The following APLF variants were observed in gnomAD, a reference collection of about 807,000 sequenced individuals.
APLF encodes the protein aprataxin and PNK-like factor.
In APLF, 61 loss-of-function variants were observed where a neutral mutation model predicts 55.6. The ratio of observed to expected loss-of-function variants is 1.10; its 90% CI spans 0.89 to 1.36. The LOEUF is 1.36. APLF is among the 40% of genes most tolerant of loss of function. The probability of loss-of-function intolerance (pLI) is 0.00; values close to 1 mark genes in which losing one functional copy is unlikely to be tolerated. For synonymous variants in APLF, 207 were observed against 214.8 expected (o/e 0.96, Z 0.32); for missense variants, 611 against 602.5 (o/e 1.01, Z -0.15).
At chr2:68,563,412 G>A in intron 8 of APLF, 1 of 953,818 alleles carries the variant, frequency 1.0e-6, no homozygotes, top group Non-Finnish European at 1.2e-6. Context: ...TAGGATGTGA[G>A]GTTGGTGGAT....
At chr2:68,475,040 A>G (rs1256359786) in intron 1 of APLF, among the ~76,000 whole-genome samples, 2 of 152,364 alleles carry the variant, frequency 1.3e-5, no homozygotes, top group South Asian at 2.1e-4. Context: ...TTCTAGACAC[A>G]CTAAGTAGAG....
chr2:68,551,600 C>CT (rs1453905998), intron 8 of APLF, among the ~76,000 whole-genome samples: 7 of 126,962 alleles, frequency 5.5e-5, no homozygotes, highest in African/African-American at 2.0e-4. Flanking sequence ...AATTCTTCTT[C>CT]TTCTTTTTTT....
intron 1 of APLF, among the ~76,000 whole-genome samples, chr2:68,471,206 A>C (rs1675607190): frequency 6.6e-6 from 1 of 152,192 alleles, no homozygotes; most frequent in Admixed American, 6.6e-5. Context: ...TTAGATATGA[A>C]AAAGGGTTAT....
At chr2:68,563,605 G>T (rs531507650) in intron 8 of APLF, among the ~76,000 whole-genome samples, 56 of 152,178 alleles carry the variant, frequency 3.7e-4, no homozygotes, top group African/African-American at 1.3e-3. Context: ...GATGTCAGCA[G>T]TTGTTTAATC....
In APLF at chr2:68,513,242, A is replaced by G. The variant is rs758040986; in HGVS notation, c.489+15A>G. ...CAAATAGTGTGGTGAGAAATTTGATATCTCATCCATTTATAACATGTTCTT... is the reference window on the plus strand; with the variant it reads ...CAAATAGTGTGGTGAGAAATTTGATGTCTCATCCATTTATAACATGTTCTT... On this transcript the variant is annotated intron_variant, in intron 4 of 9. Transcript: ENST00000303795. 5.0e-6 allele frequency: 8 copies of G among 1,593,460 alleles called. No homozygotes were observed. Among genetic ancestry groups the G allele is most frequent in the Middle Eastern group, 1.7e-4 (1 of 5,932 alleles).
intron 7 of APLF, among the ~76,000 whole-genome samples, chr2:68,540,773 T>C (rs181230084): frequency 6.7e-5 from 10 of 148,466 alleles, no homozygotes; most frequent in Non-Finnish European, 1.3e-4. Flanking sequence ...TGTGCATGCG[T>C]GTGTGTGTGT....
At position 68,545,201 on chromosome 2, in the gene APLF, A is replaced by G. The variant is rs751969633; in HGVS notation, c.1175A>G (p.His392Arg). 2.2e-5 allele frequency: 36 copies of G among 1,613,214 alleles called. No individual in the cohort carries two copies. The South Asian group carries it at 3.7e-4, about 17-fold the overall frequency. The change falls in exon 8 of 10, where the codon CAT becomes CGT. Residue 392 changes from histidine to arginine, a missense_variant. By Grantham distance (29) the His-to-Arg change is conservative. Transcript: ENST00000303795. Reference protein sequence around the residue: ...GANCYRKNPVHFQHFSHPGDS... With the variant: ...GANCYRKNPVRFQHFSHPGDS... ...CGCCCTCCTAGGAAGAATCCTGTTC[A>G]TTTTCAACATTTTAGCCATCCTGGT...
At chr2:68,498,735 C>T (rs1176207401) in intron 2 of APLF, among the ~76,000 whole-genome samples, 2 of 152,140 alleles carry the variant, frequency 1.3e-5, no homozygotes, top group Admixed American at 1.3e-4. Flanking sequence ...TTGGTTATGC[C>T]CTCAGGGCGA....
At chr2:68,545,586 C>T (rs1282833349) in intron 8 of APLF, among the ~76,000 whole-genome samples, 1 of 152,128 alleles carries the variant, frequency 6.6e-6, no homozygotes, top group Non-Finnish European at 1.5e-5. Context: ...GTTGATGCTA[C>T]CCCAATATAC....
At chr2:68,552,775 A>C (rs1287510695) in intron 8 of APLF, among the ~76,000 whole-genome samples, 1 of 152,124 alleles carries the variant, frequency 6.6e-6, no homozygotes, top group African/African-American at 2.4e-5. Context: ...AAGAGAAACA[A>C]CTCCAAAACC....
chr2:68,552,012 A>G (rs1670881793), intron 8 of APLF, among the ~76,000 whole-genome samples: 3 of 151,972 alleles, frequency 2.0e-5, no homozygotes, highest in Admixed American at 1.3e-4. Context: ...CTTGTTTGGC[A>G]TGGCTTTTCC....
At chr2:68,472,735 AAG>A (rs1165361495) in intron 1 of APLF, among the ~76,000 whole-genome samples, 1 of 152,120 alleles carries the variant, frequency 6.6e-6, no homozygotes, top group Non-Finnish European at 1.5e-5. Flanking sequence ...TTAAGGCTCT[AAG>A]ATATGGTGTG....
chr2:68,499,288 T>C (rs1254714630), intron 2 of APLF, among the ~76,000 whole-genome samples: 3 of 152,244 alleles, frequency 2.0e-5, no homozygotes, highest in Non-Finnish European at 4.4e-5. Context: ...TAGGTAGTTA[T>C]ATCTTTTAAT....
At chr2:68,574,572 G>T (rs550723015) in intron 9 of APLF, among the ~76,000 whole-genome samples, 1 of 152,174 alleles carries the variant, frequency 6.6e-6, no homozygotes. Context: ...TACTAGCCAC[G>T]TTGAATTCTG....
chr2:68,578,968 A>G lies in APLF; in HGVS notation c.*946A>G, dbSNP rs1671693488. On this transcript the variant is annotated 3_prime_UTR_variant, in exon 10 of 10. Transcript: ENST00000303795. ...CTGTTCTAAAACTACTTTAAGCCCTATAATGCTCTTCATATTACGTGACTT... is the reference window on the plus strand; with the variant it reads ...CTGTTCTAAAACTACTTTAAGCCCTGTAATGCTCTTCATATTACGTGACTT... The G allele has an allele frequency of 1.0e-6, 1 of 984,702 alleles. No individual in the cohort carries two copies. The allele number at this position is 984,702 out of a possible 1,614,324, so 61.0% of individuals were successfully genotyped here.
intron 4 of APLF, 76 bp downstream of exon 4, chr2:68,513,303 T>C (rs1669459111): frequency 6.8e-7 from 1 of 1,469,864 alleles, no homozygotes; most frequent in South Asian, 1.4e-5. Context: ...CAACTGAAAT[T>C]AGGCCTATTA....
chr2:68,496,136 G>T (rs112288990), intron 2 of APLF, among the ~76,000 whole-genome samples: 1 of 152,116 alleles, frequency 6.6e-6, no homozygotes, highest in African/African-American at 2.4e-5. Flanking sequence ...GAGTCTTGCT[G>T]TGTCACCCAA....
intron 5 of APLF, among the ~76,000 whole-genome samples, chr2:68,517,397 A>G (rs149955435): frequency 0.067 from 8,470 of 125,734 alleles, 1,075 homozygotes; most frequent in African/African-American, 0.24. Context: ...TTATTACTAT[A>G]TATTAATATA....
chr2:68,553,393 A>G (rs985466912), intron 8 of APLF, among the ~76,000 whole-genome samples: 4 of 152,090 alleles, frequency 2.6e-5, no homozygotes, highest in African/African-American at 9.7e-5. Context: ...ACCAATGTTC[A>G]GTTTAGTTAT....
Sources: gnomAD v4.1 joint callset for allele counts (sites outside exome capture counted in the v4.1 genomes callset) on GRCh38, gnomAD v4.1.1 for gene constraint, MANE v1.5 for transcripts, NCBI Gene and HGNC (gene_info 2026-07-23, HGNC 2026-07-21) for gene names.